Variants in GAA observed in about 807,000 individuals in gnomAD.
The protein encoded by GAA is alpha glucosidase, also known as lysosomal alpha-glucosidase.
GAA carries 88 observed loss-of-function variants against 103.9 expected under a neutral mutation model. That is an observed-to-expected ratio of 0.85 (90% confidence interval 0.71 to 1.01). The LOEUF is 1.01. Among genes scored for constraint, GAA ranks in the 50% least tolerant of loss-of-function variants. The pLI, the probability that GAA is intolerant of heterozygous loss-of-function variation, is 0.00. For synonymous variants in GAA, 572 were observed against 563.1 expected (o/e 1.02, Z -0.22); for missense variants, 1,350 against 1,305.3 (o/e 1.03, Z -0.53).
rs1057524664 is a variant in GAA at position 80,117,094 on chromosome 17, G to T, written c.2316G>T (p.Trp772Cys). Residue 772 changes from tryptophan to cysteine, a missense_variant, in exon 16 of 20, where the codon TGG becomes TGT. Transcript: ENST00000302262. ...CTGGCTACTTCCCCTTGGGCACATG[G>T]TACGACCTGCAGACGGTGAGTCTGG... Reference protein sequence around the residue: ...EVTGYFPLGTWYDLQTVPVEA... With the variant: ...EVTGYFPLGTCYDLQTVPVEA... 2 of 1,612,964 alleles carry T rather than the reference G, an allele frequency of 1.2e-6. No homozygotes were observed. The highest frequency in any genetic ancestry group is 1.7e-6 in the Non-Finnish European group (2 of 1,180,018).
chr17:80,118,714 A>G lies in GAA; in HGVS notation c.2708A>G (p.Lys903Arg). Reference sequence around the variant, plus strand: ...GAGGGAGCTGGCCTGCAGCTGCAGAAGGTGACTGTCCTGGGCGTGGCCACG... The same window carrying G: ...GAGGGAGCTGGCCTGCAGCTGCAGAGGGTGACTGTCCTGGGCGTGGCCACG... ...TSEGAGLQLQ[K>R]VTVLGVATAP... Residue 903 changes from lysine to arginine, a missense_variant, in exon 19 of 20, where the codon AAG (lysine) becomes AGG (arginine). Coordinates refer to ENST00000302262, the MANE Select transcript of GAA (RefSeq NM_000152.5). 1 of 1,613,440 alleles carries G rather than the reference A, an allele frequency of 6.2e-7. No homozygotes were observed. Among genetic ancestry groups the G allele is most frequent in the Non-Finnish European group, 8.5e-7 (1 of 1,180,004 alleles).
In GAA at chr17:80,118,425, C is replaced by G. The variant is rs1488911270; in HGVS notation, c.2646+68C>G. The G allele has an allele frequency of 3.9e-6, 6 of 1,550,788 alleles. No individual in the cohort carries two copies. The East Asian group carries it at 1.1e-4, about 29-fold the overall frequency. On this transcript the variant is annotated intron_variant, in intron 18 of 19. Coordinates refer to ENST00000302262, the MANE Select transcript of GAA (RefSeq NM_000152.5). ...CGGGGTTGAGAAGGGGTGAGGGGACCTGGGCTTGGGGGTCCCACGATGGCT... is the reference window on the plus strand; with the variant it reads ...CGGGGTTGAGAAGGGGTGAGGGGACGTGGGCTTGGGGGTCCCACGATGGCT...
rs774703637 is a variant in GAA at position 80,104,604 on chromosome 17, G to A, written c.18G>A (p.Pro6=). MGVRH[P]PCSHRLLAVC... is the part of the protein sequence containing the mutation. Reference sequence around the variant, plus strand: ...CTCCAACCATGGGAGTGAGGCACCCGCCCTGCTCCCACCGGCTCCTGGCCG... The same window carrying A: ...CTCCAACCATGGGAGTGAGGCACCCACCCTGCTCCCACCGGCTCCTGGCCG... Residue 6 remains proline, a synonymous_variant, in exon 2 of 20, where the codon CCG becomes CCA. Transcript: ENST00000302262. The surrounding 1 kb of genome is among the most constrained non-coding windows in gnomAD (Gnocchi z 4.0). 28 of 1,611,848 alleles carry A rather than the reference G, an allele frequency of 1.7e-5. No individual in the cohort carries two copies. Among genetic ancestry groups the A allele is most frequent in the Admixed American group, 6.7e-5 (4 of 59,966 alleles).
chr17:80,114,237 C>T (rs1193734414), intron 15 of GAA, among the ~76,000 whole-genome samples: 1 of 152,162 alleles, frequency 6.6e-6, no homozygotes, highest in Non-Finnish European at 1.5e-5. Context: ...CAAATAGCTA[C>T]TCTTCCTAAT....
chr17:80,119,126 A>G, intron 19 of GAA, 146 bp from the exon 20 acceptor site: 2 of 907,456 alleles, frequency 2.2e-6, no homozygotes, highest in Admixed American at 3.5e-5. Flanking sequence ...GGTGCGAAGC[A>G]TCCCAGGGCC....
rs1567839551 is a variant in GAA at position 80,117,626 on chromosome 17, C to T, written c.2358C>T (p.Leu786=). Residue 786 remains leucine (L), a synonymous_variant, in exon 17 of 20, where the codon CTC becomes CTT. Coordinates refer to ENST00000302262, the MANE Select transcript of GAA (RefSeq NM_000152.5). The stretch of plus-strand genomic sequence containing the variant: ...TGCCAGTAGAGGCCCTTGGCAGCCT[C>T]CCACCCCCACCTGCAGCTCCCCGTG... ...QTVPVEALGS[L]PPPPAAPREP... is the part of the protein sequence containing the mutation. The T allele has an allele frequency of 6.2e-7, 1 of 1,612,764 alleles. No individual in the cohort carries two copies. Among genetic ancestry groups the T allele is most frequent in the Non-Finnish European group, 8.5e-7 (1 of 1,179,874 alleles).
chr17:80,110,044 C>T lies in GAA; in HGVS notation c.1426C>T (p.Leu476=), dbSNP rs756613882. The T allele has an allele frequency of 6.2e-7, 1 of 1,613,138 alleles. No individual in the cohort carries two copies. The highest frequency in any genetic ancestry group is 8.5e-7 in the Non-Finnish European group (1 of 1,179,822). The change falls in exon 9 of 20, where the codon CTG becomes TTG. Residue 476 remains leucine (L), a synonymous_variant. Transcript: ENST00000302262. ...CATCACCAACGAGACCGGCCAGCCGCTGATTGGGAAGGTAGGGCGAGGGTC... is the reference window on the plus strand; with the variant it reads ...CATCACCAACGAGACCGGCCAGCCGTTGATTGGGAAGGTAGGGCGAGGGTC... The part of the protein sequence containing the change: ...VFITNETGQP[L]IGKVWPGSTA...
intron 15 of GAA, among the ~76,000 whole-genome samples, chr17:80,113,585 A>G (rs2039297585): frequency 6.6e-6 from 1 of 152,230 alleles, no homozygotes; most frequent in Non-Finnish European, 1.5e-5. Flanking sequence ...GTTCCTAACA[A>G]CAGCCCTGCA....
rs752449306 is a variant in GAA, at chr17:80,104,645, C to G, written c.59C>G (p.Ser20Cys). ...HRLLAVCALV[S>C]LATAALLGHI... ...CTCCTGGCCGTCTGCGCCCTCGTGT[C>G]CTTGGCAACCGCTGCACTCCTGGGG... Residue 20 changes from serine to cysteine, a missense_variant, in exon 2 of 20, where the codon TCC becomes TGC. Coordinates refer to ENST00000302262, the MANE Select transcript of GAA (RefSeq NM_000152.5). The surrounding 1 kb of genome is among the most constrained non-coding windows in gnomAD (Gnocchi z 4.0). The G allele has an allele frequency of 1.2e-6, 2 of 1,613,278 alleles. No homozygotes were observed. Among genetic ancestry groups the G allele is most frequent in the Non-Finnish European group, 1.7e-6 (2 of 1,179,972 alleles).
intron 9 of GAA, 21 bp from the exon 10 acceptor site, chr17:80,110,706 C>A (rs1224278212): frequency 1.2e-6 from 2 of 1,607,970 alleles, no homozygotes; most frequent in African/African-American, 2.7e-5. Flanking sequence ...GGTCTCCCCA[C>A]TGCAGCCTCT....
At chr17:80,117,494 T>G in intron 16 of GAA, 106 bp from the exon 17 acceptor site, 1 of 1,362,194 alleles carries the variant, frequency 7.3e-7, no homozygotes, top group Non-Finnish European at 1.0e-6. Flanking sequence ...GTGCCAGGCC[T>G]CCTAGGCCTC....
rs749496973 is a variant in GAA, at chr17:80,104,866, C to T, written c.280C>T (p.Pro94Ser). The T allele has an allele frequency of 6.2e-7, 1 of 1,613,022 alleles. No individual in the cohort carries two copies. Among genetic ancestry groups the T allele is most frequent in the Non-Finnish European group, 8.5e-7 (1 of 1,179,944 alleles). The change falls in exon 2 of 20, where the codon CCT (proline) becomes TCT (serine). Residue 94 changes from proline (P) to serine (S), a missense_variant. Transcript: ENST00000302262. The surrounding 1 kb of genome is among the most constrained non-coding windows in gnomAD (Gnocchi z 4.0). ...CCCCAACAGCCGCTTCGATTGCGCC[C>T]CTGACAAGGCCATCACCCAGGAACA... The part of the protein sequence containing the change: ...VPPNSRFDCA[P>S]DKAITQEQCE...
rs915625623 is a variant in GAA at position 80,104,733 on chromosome 17, G to A, written c.147G>A (p.Leu49=). The A allele has an allele frequency of 2.5e-6, 4 of 1,611,800 alleles. No homozygotes were observed. Among genetic ancestry groups the A allele is most frequent in the Non-Finnish European group, 3.4e-6 (4 of 1,179,528 alleles). The change falls in exon 2 of 20, where the codon CTG becomes CTA. Residue 49 remains leucine (L), a synonymous_variant. Coordinates refer to ENST00000302262, the MANE Select transcript of GAA (RefSeq NM_000152.5). The surrounding 1 kb of genome is among the most constrained non-coding windows in gnomAD (Gnocchi z 4.0). ...PRELSGSSPV[L]EETHPAHQQG... ...AGCTGAGTGGCTCCTCCCCAGTCCT[G>A]GAGGAGACTCACCCAGCTCACCAGC...
At position 80,116,968 on chromosome 17, in the gene GAA, G is replaced by T; in HGVS notation, c.2190G>T (p.Glu730Asp). The T allele has an allele frequency of 6.2e-7, 1 of 1,613,740 alleles. No homozygotes were observed. The highest frequency in any genetic ancestry group is 8.5e-7 in the Non-Finnish European group (1 of 1,180,022). The change falls in exon 16 of 20, where the codon GAG (glutamate) becomes GAT (aspartate). Residue 730 changes from glutamate to aspartate, a missense_variant and splice_region_variant. Transcript: ENST00000302262. ...GCCTGTGTGCCCATCCCCCTTGCAG[G>T]TTCCCCAAGGACTCTAGCACCTGGA... The part of the protein sequence containing the change: ...GETVARPLFL[E>D]FPKDSSTWTV...
chr17:80,108,738 G>C lies in GAA; in HGVS notation c.1236G>C (p.Arg412Ser), dbSNP rs1171718934. ...ACCTGGACTACATGGACTCCCGGAG[G>C]GACTTCACGTTCAACAAGGATGGCT... ...WNDLDYMDSR[R>S]DFTFNKDGFR... The change falls in exon 8 of 20, where the codon AGG (arginine) becomes AGC (serine). Residue 412 changes from arginine (R) to serine (S), a missense_variant. Transcript: ENST00000302262. The C allele has an allele frequency of 6.2e-7, 1 of 1,612,328 alleles. No homozygotes were observed. The highest frequency in any genetic ancestry group is 8.5e-7 in the Non-Finnish European group (1 of 1,179,728).
Position 80,108,840 on chromosome 17 carries a change from C to A in GAA, c.1326+12C>A. 3 of 1,580,606 alleles carry A rather than the reference C, an allele frequency of 1.9e-6. No individual in the cohort carries two copies. The highest frequency in any genetic ancestry group is 1.7e-6 in the Non-Finnish European group (2 of 1,163,526). ...ACATGATGATCGTGGTGTGTGCCCC[C>A]ACACTGTGGGTCTTTGGGAAGGGGG... On this transcript the variant is annotated intron_variant, in intron 8 of 19. Coordinates refer to ENST00000302262, the MANE Select transcript of GAA (RefSeq NM_000152.5).
Position 80,104,500 on chromosome 17 carries a change from C to G in GAA, c.-32-55C>G. 7.7e-7 allele frequency: 1 copy of G among 1,297,498 alleles called. No individual in the cohort carries two copies. The highest frequency in any genetic ancestry group is 2.3e-5 in the Admixed American group (1 of 43,604). The allele number at this position is 1,297,498 out of a possible 1,614,324, so 80.4% of individuals were successfully genotyped here. A position where few individuals can be genotyped will look rare whatever the true frequency, so the allele number is the denominator to read the frequency against. On this transcript the variant is annotated intron_variant, in intron 1 of 19. Transcript: ENST00000302262. This position sits in a 1 kb window ranked among gnomAD's most constrained non-coding sequence, Gnocchi z 4.0. ...GATGTCTCAGAGCTGCTTTGAGAGC[C>G]CCGTGAGTGCCGCCCCTCCCGCCTC...
intron 15 of GAA, 90 bp downstream of exon 15, chr17:80,113,456 G>A (rs2039295170): frequency 2.4e-6 from 3 of 1,269,412 alleles, no homozygotes; most frequent in Admixed American, 5.3e-5. Flanking sequence ...TGTGGGCTGT[G>A]TTCCCCAGGA....
chr17:80,102,567 G>A (rs2038979684), intron 1 of GAA: 1 of 152,220 alleles, frequency 6.6e-6, no homozygotes, highest in South Asian at 2.1e-4. Context: ...AGAAACCACA[G>A]GGATCAGAGG....
Sources: gnomAD v4.1 joint callset for allele counts (sites outside exome capture counted in the v4.1 genomes callset) on GRCh38, gnomAD v4.1.1 for gene constraint, Gnocchi (gnomAD v3.1) non-coding constraint, MANE v1.5 for transcripts, NCBI Gene and HGNC (gene_info 2026-07-23, HGNC 2026-07-21) for gene names.